IQCF1: variants seen among roughly 807,000 people sequenced by gnomAD.
The protein encoded by IQCF1 is IQ motif containing F1.
Under a neutral mutation model 12.5 loss-of-function variants are expected in IQCF1, and 9 were observed. That is an observed-to-expected ratio of 0.72 (90% CI 0.43 to 1.26). The LOEUF is 1.26. IQCF1 is among the 50% of genes most tolerant of loss of function. The probability of loss-of-function intolerance (pLI) is 0.00; values close to 1 mark genes in which losing one functional copy is unlikely to be tolerated. For missense variants in IQCF1, 252 were observed against 257.4 expected, an observed-to-expected ratio of 0.98 and a Z score of 0.14; for synonymous variants, 67 against 96.2, an observed-to-expected ratio of 0.70 and a Z score of 1.78.
At chr3:51,896,323 G>A (rs1699001819) in intron 3 of IQCF1, among the ~76,000 whole-genome samples, 1 of 152,136 alleles carries the variant, frequency 6.6e-6, no homozygotes, top group Non-Finnish European at 1.5e-5. Context: ...CCTCTCCCCA[G>A]CCACCACTAC....
Position 51,895,157 on chromosome 3 carries a change from C to T in IQCF1, c.351G>A (p.Ala117=), listed in dbSNP as rs759561194. Residue 117 remains alanine (A), a synonymous_variant, in exon 4 of 4, where the codon GCG becomes GCA. Transcript: ENST00000310914. The surrounding 1 kb of genome is among the most constrained non-coding windows in gnomAD (Gnocchi z 4.8). ...SKILKKRRQA[A]LEAFSRKEWA... ...ACTCCTTCCGGGAGAAGGCCTCTAG[C>T]GCTGCCTGCCGCCTCTTCTTCAGAA... is the stretch of plus-strand genomic sequence containing the variant. 5.6e-6 allele frequency: 9 copies of T among 1,614,248 alleles called. No homozygotes were observed. Among genetic ancestry groups the T allele is most frequent in the Admixed American group, 3.3e-5 (2 of 60,034 alleles).
At chr3:51,896,787 C>T (rs770385200) in intron 3 of IQCF1, 45 bp downstream of exon 3, 129 of 1,427,148 alleles carry the variant, frequency 9.0e-5, no homozygotes, top group Non-Finnish European at 1.2e-4. Context: ...CCAGCACAGC[C>T]CCCACATCCC....
intron 2 of IQCF1, among the ~76,000 whole-genome samples, chr3:51,901,961 A>G (rs1012298667): frequency 2.0e-5 from 3 of 152,206 alleles, no homozygotes; most frequent in Non-Finnish European, 2.9e-5. Flanking sequence ...TTAAAACTCA[A>G]TGTTGTACCT....
chr3:51,898,606 A>G (rs919106126), intron 2 of IQCF1, among the ~76,000 whole-genome samples: 4 of 151,942 alleles, frequency 2.6e-5, no homozygotes, highest in African/African-American at 7.3e-5. Flanking sequence ...GGTCAGAACT[A>G]TCCTAAGTCA....
At chr3:51,902,841 T>G (rs112088058) in intron 2 of IQCF1, 144 bp downstream of exon 2, 10 of 780,514 alleles carry the variant, frequency 1.3e-5, no homozygotes, top group African/African-American at 5.1e-5. Context: ...CTTGCCTTGC[T>G]GAGAATTAAA....
At chr3:51,898,547 G>T (rs934999813) in intron 2 of IQCF1, among the ~76,000 whole-genome samples, 1 of 151,782 alleles carries the variant, frequency 6.6e-6, no homozygotes, top group Admixed American at 6.6e-5. Flanking sequence ...ACAGAAGAAA[G>T]TAGAAAAATA....
At chr3:51,897,900 G>C (rs1285035456) in intron 2 of IQCF1, among the ~76,000 whole-genome samples, 1 of 152,170 alleles carries the variant, frequency 6.6e-6, no homozygotes, top group African/African-American at 2.4e-5. Context: ...CAACACTAAG[G>C]CAAGACACCC....
chr3:51,897,008 G>T, intron 2 of IQCF1, 114 bp from the exon 3 acceptor site: 1 of 834,924 alleles, frequency 1.2e-6, no homozygotes. Context: ...CAGTATGTCA[G>T]TATGTTCAAT....
chr3:51,902,972 G>A lies in IQCF1; in HGVS notation c.108+13C>T, dbSNP rs1699097144. The A allele has an allele frequency of 4.4e-6, 7 of 1,593,826 alleles. No individual in the cohort carries two copies. Among genetic ancestry groups the A allele is most frequent in the Non-Finnish European group, 6.0e-6 (7 of 1,161,514 alleles). The stretch of plus-strand genomic sequence containing the variant: ...CATGGGATCAATGACATCCAAGTCA[G>A]GGCTCCTCCTACCTCTGCCTTTGAC... On this transcript the variant is annotated intron_variant, in intron 2 of 3. Transcript: ENST00000310914.
Position 51,894,927 on chromosome 3 carries a change from A to T in IQCF1, c.581T>A (p.Ile194Asn). The change falls in exon 4 of 4, where the codon ATT becomes AAT. Residue 194 changes from isoleucine to asparagine, a missense_variant. Transcript: ENST00000310914. ...LEILLDSGPC[I>N]VTECIPFSIK... ...TGAGAAGGGAATACACTCTGTCACA[A>T]TGCAAGGCCCTGAGTCCAGCAAGAT... is the stretch of plus-strand genomic sequence containing the variant. The T allele has an allele frequency of 6.2e-7, 1 of 1,614,156 alleles. No homozygotes were observed. Among genetic ancestry groups the T allele is most frequent in the African/African-American group, 1.3e-5 (1 of 75,048 alleles).
At chr3:51,899,153 AG>A (rs1244049052) in intron 2 of IQCF1, among the ~76,000 whole-genome samples, 2 of 152,092 alleles carry the variant, frequency 1.3e-5, no homozygotes, top group East Asian at 3.9e-4. Flanking sequence ...ACAGGCATGA[AG>A]GAAGTTCACA....
chr3:51,896,790 C>A (rs895903703), intron 3 of IQCF1, 42 bp downstream of exon 3: 13 of 1,473,670 alleles, frequency 8.8e-6, no homozygotes, highest in Non-Finnish European at 1.1e-5. Flanking sequence ...GCACAGCCCC[C>A]ACATCCCCAG....
chr3:51,903,333 C>T lies in IQCF1; in HGVS notation c.-61G>A. On this transcript the variant is annotated 5_prime_UTR_variant, in exon 1 of 4. An upstream start codon of the reference 5' UTR is lost. Transcript: ENST00000310914. Reference sequence around the variant, plus strand: ...CCCCTCACATCTGTGTTCATCCAGCCATAGCATAGGCAGGAAGGGTGGAGG... The same window carrying T: ...CCCCTCACATCTGTGTTCATCCAGCTATAGCATAGGCAGGAAGGGTGGAGG... 4 of 1,592,850 alleles carry T rather than the reference C, an allele frequency of 2.5e-6. No homozygotes were observed. The highest frequency in any genetic ancestry group is 2.2e-5 in the South Asian group (2 of 90,660).
chr3:51,898,232 GAGAC>G (rs1319058670), intron 2 of IQCF1, among the ~76,000 whole-genome samples: 2 of 129,858 alleles, frequency 1.5e-5, no homozygotes, highest in African/African-American at 6.0e-5. Flanking sequence ...GAGAGAGAAA[GAGAC>G]AGAAAGACAA....
chr3:51,899,201 AG>A (rs1371798314), intron 2 of IQCF1, among the ~76,000 whole-genome samples: 1 of 151,906 alleles, frequency 6.6e-6, no homozygotes, highest in East Asian at 1.9e-4. Flanking sequence ...AGGAAAAAAA[AG>A]GGGGTGGGGG....
rs928159111 is a variant in IQCF1 at position 51,900,566 on chromosome 3, T to C, written c.108+2419A>G. Among the ~76,000 whole-genome samples, 1 of 152,164 alleles carries C rather than the reference T, an allele frequency of 6.6e-6. No homozygotes were observed. Among genetic ancestry groups the C allele is most frequent in the Non-Finnish European group, 1.5e-5 (1 of 68,038 alleles). On this transcript the variant is annotated intron_variant, in intron 2 of 3. Transcript: ENST00000310914. This position sits in a 1 kb window ranked among gnomAD's most constrained non-coding sequence, Gnocchi z 4.2. ...CTCCTCAGACTGGGTATTAGTGAAT[T>C]GGGACCATTTAATCCTGGGAGATTT...
chr3:51,902,239 T>G (rs1699083148), intron 2 of IQCF1, among the ~76,000 whole-genome samples: 2 of 152,284 alleles, frequency 1.3e-5, no homozygotes, highest in South Asian at 4.1e-4. Context: ...CAGCACTTAC[T>G]AAAACCTCCC....
chr3:51,903,300 G>A lies in IQCF1; in HGVS notation c.-28C>T. On this transcript the variant is annotated 5_prime_UTR_variant, in exon 1 of 4. Coordinates refer to ENST00000310914, the MANE Select transcript of IQCF1 (RefSeq NM_152397.3). ...GTCACATATGGATTGATTGTAGATGGTTCAAATCCCCTCACATCTGTGTTC... is the reference window on the plus strand; with the variant it reads ...GTCACATATGGATTGATTGTAGATGATTCAAATCCCCTCACATCTGTGTTC... 2 of 1,613,652 alleles carry A rather than the reference G, an allele frequency of 1.2e-6. No individual in the cohort carries two copies. Among genetic ancestry groups the A allele is most frequent in the Non-Finnish European group, 1.7e-6 (2 of 1,179,556 alleles).
At chr3:51,896,731 ACTT>A in intron 3 of IQCF1, 98 bp downstream of exon 3, 1 of 888,004 alleles carries the variant, frequency 1.1e-6, no homozygotes, top group Non-Finnish European at 1.9e-6. Context: ...ACACACACAT[ACTT>A]CTAACTGAGC....
Sources: gnomAD v4.1 joint callset for allele counts (sites outside exome capture counted in the v4.1 genomes callset) on GRCh38, gnomAD v4.1.1 for gene constraint, Gnocchi (gnomAD v3.1) non-coding constraint, MANE v1.5 for transcripts, NCBI Gene and HGNC (gene_info 2026-07-23, HGNC 2026-07-21) for gene names.